Variants in IMPG2 observed in about 807,000 individuals in gnomAD.
IMPG2 encodes the protein IPM 200.
IMPG2 carries 91 observed loss-of-function variants against 129.2 expected under a neutral mutation model. That is an observed-to-expected ratio of 0.70 (90% CI 0.59 to 0.84). The LOEUF (loss-of-function observed/expected upper bound fraction) is 0.84, where lower values mean the gene tolerates loss of function less well. Ranked by LOEUF, IMPG2 falls within the 40% of genes least tolerant of loss-of-function variation. IMPG2 has a pLI of 0.00. For missense variants in IMPG2, 1,430 were observed against 1,461.7 expected (o/e 0.98, Z 0.35); for synonymous variants, 510 against 517.7 (o/e 0.99, Z 0.20).
chr3:101,224,458 G>A lies in IMPG2; in HGVS notation c.*2511C>T, dbSNP rs559008745. 174 of 152,284 alleles carry A rather than the reference G, an allele frequency of 1.1e-3. No homozygotes were observed. The highest frequency in any genetic ancestry group is 3.9e-3 in the African/African-American group (162 of 41,572). The allele number at this position is 152,284 out of a possible 1,614,324, so 9.4% of individuals were successfully genotyped here. A position where few individuals can be genotyped will look rare whatever the true frequency, so the allele number is the denominator to read the frequency against. Reference sequence around the variant, plus strand: ...ATTATATTGCTAGGTTAAGAAGAACGTTCTAATACTCAGAAAATTTCATTC... The same window carrying A: ...ATTATATTGCTAGGTTAAGAAGAACATTCTAATACTCAGAAAATTTCATTC... On this transcript the variant is annotated 3_prime_UTR_variant, in exon 19 of 19. Coordinates refer to ENST00000193391, the MANE Select transcript of IMPG2 (RefSeq NM_016247.4).
chr3:101,258,342 C>G (rs779882649), intron 9 of IMPG2, among the ~76,000 whole-genome samples: 2 of 151,974 alleles, frequency 1.3e-5, no homozygotes, highest in Non-Finnish European at 2.9e-5. Context: ...AGGAGACATA[C>G]TTTTGTTTGA....
At chr3:101,278,440 T>C (rs2107255458) in intron 4 of IMPG2, among the ~76,000 whole-genome samples, 1 of 152,228 alleles carries the variant, frequency 6.6e-6, no homozygotes, top group African/African-American at 2.4e-5. Context: ...GAGATAAACA[T>C]GGCACACACT....
At chr3:101,295,256 A>G (rs973338518) in intron 3 of IMPG2, among the ~76,000 whole-genome samples, 12 of 152,166 alleles carry the variant, frequency 7.9e-5, no homozygotes, top group Non-Finnish European at 1.6e-4. Flanking sequence ...TAATTTTTGT[A>G]TAAGGTGTAA....
chr3:101,297,390 C>G (rs1378339545), intron 3 of IMPG2, among the ~76,000 whole-genome samples: 17 of 151,208 alleles, frequency 1.1e-4, no homozygotes, highest in Admixed American at 1.1e-3. Flanking sequence ...TTTTTTGTGT[C>G]TCTGTCTCCT....
intron 13 of IMPG2, 130 bp downstream of exon 13, chr3:101,243,398 GT>G (rs1348921112): frequency 1.2e-6 from 1 of 811,146 alleles, no homozygotes; most frequent in East Asian, 2.6e-5. Context: ...GATACTATTT[GT>G]GAATGATAGG....
intron 16 of IMPG2, 31 bp from the exon 17 acceptor site, chr3:101,229,621 T>A (rs1418695870): frequency 6.3e-7 from 1 of 1,580,234 alleles, no homozygotes; most frequent in South Asian, 1.1e-5. Flanking sequence ...ATTCAGGCTC[T>A]TGTTTGGATG....
chr3:101,279,713 C>A (rs534123937), intron 4 of IMPG2, among the ~76,000 whole-genome samples: 1 of 152,320 alleles, frequency 6.6e-6, no homozygotes, highest in South Asian at 2.1e-4. Context: ...GACGTCAAAT[C>A]AAATTTACGC....
rs1216747108 is a variant in IMPG2, at chr3:101,243,980, C to G, written c.2351G>C (p.Trp784Ser). Residue 784 changes from tryptophan to serine, a missense_variant, in exon 13 of 19, where the codon TGG (tryptophan) becomes TCG (serine). Physicochemically the swap from Trp to Ser is radical, Grantham distance 177. Transcript: ENST00000193391. ...TTTCTCTAGGGAAGAAGTTCTTGTC[C>G]AAACTCTCTCTGATTCTGGCAATAT... ...WTILPESERV[W>S]TRTSSLEKLS... The G allele has an allele frequency of 6.2e-7, 1 of 1,614,044 alleles. No homozygotes were observed. Among genetic ancestry groups the G allele is most frequent in the African/African-American group, 1.3e-5 (1 of 74,926 alleles).
chr3:101,267,584 C>T (rs1317324943), intron 8 of IMPG2, 53 bp from the exon 9 acceptor site: 3 of 1,408,500 alleles, frequency 2.1e-6, no homozygotes, highest in African/African-American at 1.4e-5. Context: ...TTATTATTGT[C>T]ACATCATTCA....
chr3:101,266,197 T>C (rs1338534086), intron 9 of IMPG2, among the ~76,000 whole-genome samples: 1 of 152,164 alleles, frequency 6.6e-6, no homozygotes, highest in East Asian at 1.9e-4. Context: ...ATCCCACTAC[T>C]GGGCATTTAT....
chr3:101,310,604 T>C (rs1367293651), intron 2 of IMPG2, among the ~76,000 whole-genome samples: 1 of 147,744 alleles, frequency 6.8e-6, no homozygotes, highest in Non-Finnish European at 1.5e-5. Context: ...GTTACAGAGA[T>C]AGACACATAA....
At chr3:101,315,335 T>C (rs1325697061) in intron 2 of IMPG2, among the ~76,000 whole-genome samples, 15 of 152,130 alleles carry the variant, frequency 9.9e-5, no homozygotes. Context: ...AGTACTGATA[T>C]GTAAGTAAGT....
rs1706755287 is a variant in IMPG2 at position 101,269,514 on chromosome 3, C to T, written c.887+1G>A. ...GTGCATATTTAGATAAGTCTATTTA[C>T]CTAAATTCAAGTACACGAATTTCCT... On this transcript the variant is annotated splice_donor_variant, in intron 8 of 18. Transcript: ENST00000193391. LOFTEE classifies it high-confidence loss of function. 5.2e-6 allele frequency: 8 copies of T among 1,543,664 alleles called. No individual in the cohort carries two copies. Among genetic ancestry groups the T allele is most frequent in the Non-Finnish European group, 6.3e-6 (7 of 1,116,160 alleles).
At position 101,224,969 on chromosome 3, in the gene IMPG2, G is replaced by T. The variant is rs1479739749; in HGVS notation, c.*2000C>A. 6.6e-6 allele frequency: 1 copy of T among 152,208 alleles called. No homozygotes were observed. Among genetic ancestry groups the T allele is most frequent in the Non-Finnish European group, 1.5e-5 (1 of 68,036 alleles). 9.4% of individuals were successfully genotyped at this position (152,208 alleles called of 1,614,324 possible). A position where few individuals can be genotyped will look rare whatever the true frequency, so the allele number is the denominator to read the frequency against. On this transcript the variant is annotated 3_prime_UTR_variant, in exon 19 of 19. Coordinates refer to ENST00000193391, the MANE Select transcript of IMPG2 (RefSeq NM_016247.4). ...AGTTCGTGCTTCTCCTAAGTGTTCT[G>T]CATGGTGACCTGCCCTAGAGGGATT...
intron 11 of IMPG2, among the ~76,000 whole-genome samples, chr3:101,247,865 A>G (rs1383981683): frequency 6.6e-6 from 1 of 152,190 alleles, no homozygotes; most frequent in Non-Finnish European, 1.5e-5. Context: ...CCATATTTAT[A>G]AGTCTATCAA....
intron 2 of IMPG2, 63 bp from the exon 3 acceptor site, chr3:101,304,375 C>G: frequency 7.0e-7 from 1 of 1,431,588 alleles, no homozygotes; most frequent in Non-Finnish European, 9.8e-7. Context: ...TTACAATGAT[C>G]ATAGACTGAT....
Position 101,276,787 on chromosome 3 carries a change from T to C in IMPG2, c.534-74A>G, listed in dbSNP as rs1192226300. On this transcript the variant is annotated intron_variant, in intron 4 of 18. Transcript: ENST00000193391. ...TTTATTTTGGGATTTTTGGGGTTGT[T>C]TTCCAAAAAGGAAAGCACTAGATCA... 19 of 1,215,242 alleles carry C rather than the reference T, an allele frequency of 1.6e-5. No individual in the cohort carries two copies. In the South Asian group the frequency reaches 2.1e-4, roughly 13 times the overall value. 75.3% of individuals were successfully genotyped at this position (1,215,242 alleles called of 1,614,324 possible).
At chr3:101,246,294 T>C (rs552298254) in intron 11 of IMPG2, among the ~76,000 whole-genome samples, 189 bp from the exon 12 acceptor site, 1 of 152,216 alleles carries the variant, frequency 6.6e-6, no homozygotes, top group South Asian at 2.1e-4. Flanking sequence ...TTCCAATATC[T>C]AGAGAAAAAG....
At chr3:101,283,236 G>A (rs1428966007) in intron 4 of IMPG2, among the ~76,000 whole-genome samples, 13 of 152,008 alleles carry the variant, frequency 8.6e-5, no homozygotes, top group Non-Finnish European at 1.8e-4. Flanking sequence ...TGTTGGCCAG[G>A]CTGGTCTTGA....
Sources: gnomAD v4.1 joint callset for allele counts (sites outside exome capture counted in the v4.1 genomes callset) on GRCh38, gnomAD v4.1.1 for gene constraint, MANE v1.5 for transcripts, NCBI Gene and HGNC (gene_info 2026-07-23, HGNC 2026-07-21) for gene names.